Variants in AGBL4 observed in about 807,000 individuals in gnomAD.
The protein encoded by AGBL4 is AGBL carboxypeptidase 4.
Under a neutral mutation model 66.4 loss-of-function variants are expected in AGBL4, and 58 were observed. The observed-to-expected ratio is 0.87, with a 90% CI of 0.71 to 1.09. The LOEUF (loss-of-function observed/expected upper bound fraction) is 1.09, where lower values mean the gene tolerates loss of function less well. Among genes scored for constraint, AGBL4 ranks in the 50% least tolerant of loss-of-function variants. The pLI is 0.00. For synonymous variants in AGBL4, 234 were observed against 222.9 expected (o/e 1.05, Z -0.44); for missense variants, 579 against 631.0 (o/e 0.92, Z 0.88).
intron 5 of AGBL4, among the ~76,000 whole-genome samples, chr1:48,881,752 A>G (rs1414503146): frequency 1.3e-5 from 2 of 152,132 alleles, no homozygotes; most frequent in African/African-American, 4.8e-5. Context: ...AAAGACACTG[A>G]TTGGGCCACC....
chr1:48,954,254 T>A (rs981395428), intron 5 of AGBL4, among the ~76,000 whole-genome samples: 2 of 152,204 alleles, frequency 1.3e-5, no homozygotes, highest in African/African-American at 2.4e-5. Flanking sequence ...GGTTCCCTCA[T>A]CCCAGATAAG....
At chr1:48,994,668 TA>T (rs1230099169) in intron 5 of AGBL4, among the ~76,000 whole-genome samples, 31 of 152,322 alleles carry the variant, frequency 2.0e-4, no homozygotes, top group African/African-American at 7.5e-4. Context: ...CCAGAAACAG[TA>T]GTATATATGA....
At chr1:48,753,405 G>A (rs1335598840) in intron 6 of AGBL4, among the ~76,000 whole-genome samples, 3 of 152,220 alleles carry the variant, frequency 2.0e-5, no homozygotes, top group African/African-American at 7.2e-5. Context: ...CAGTACAGGA[G>A]AAAACCAGCA....
chr1:49,287,050 A>T (rs1314567533), intron 3 of AGBL4, among the ~76,000 whole-genome samples: 1 of 148,838 alleles, frequency 6.7e-6, no homozygotes, highest in African/African-American at 2.5e-5. Context: ...GCCCTCAGAA[A>T]TAACGCCGCA....
At chr1:49,881,604 T>C (rs1462088099) in intron 1 of AGBL4, among the ~76,000 whole-genome samples, 2 of 150,856 alleles carry the variant, frequency 1.3e-5, no homozygotes, top group African/African-American at 2.5e-5. Context: ...TGATATCTCA[T>C]TGCGGTTTTG....
chr1:48,786,376 C>T (rs1645407959), intron 6 of AGBL4, among the ~76,000 whole-genome samples: 1 of 152,170 alleles, frequency 6.6e-6, no homozygotes, highest in African/African-American at 2.4e-5. Flanking sequence ...GAAAAGACTT[C>T]AACCTGGGTT....
chr1:48,776,661 G>T (rs1407091473), intron 6 of AGBL4: 11 of 1,494,034 alleles, frequency 7.4e-6, no homozygotes, highest in Middle Eastern at 2.1e-4. Context: ...AGTCGCGGGG[G>T]GCGCGCGGGG....
intron 3 of AGBL4, among the ~76,000 whole-genome samples, chr1:49,381,923 C>A (rs1644623380): frequency 6.6e-6 from 1 of 151,578 alleles, no homozygotes; most frequent in East Asian, 1.9e-4. Flanking sequence ...GTGCAGCACA[C>A]CAGCATGGCA....
chr1:49,192,172 T>C (rs1557715358), intron 4 of AGBL4, among the ~76,000 whole-genome samples: 1 of 152,240 alleles, frequency 6.6e-6, no homozygotes. Flanking sequence ...AGATGGTATC[T>C]CATTGTGGTT....
Position 49,219,291 on chromosome 1 carries a change from C to T in AGBL4, c.377+26479G>A, listed in dbSNP as rs1649317534. On this transcript the variant is annotated intron_variant, in intron 4 of 13. Transcript: ENST00000371839. Reference sequence around the variant, plus strand: ...ATCTTTAAAGGTAGTTTGCATATGTCTCCCCAGTGAGTTTTAAGTTTAACT... The same window carrying T: ...ATCTTTAAAGGTAGTTTGCATATGTTTCCCCAGTGAGTTTTAAGTTTAACT... 3.3e-5 allele frequency among the ~76,000 whole-genome samples: 5 copies of T among 152,138 alleles called. No individual in the cohort carries two copies. In the South Asian group the frequency reaches 1.0e-3, roughly 31 times the overall value.
chr1:49,079,581 C>A (rs1644771664), intron 4 of AGBL4, among the ~76,000 whole-genome samples: 1 of 152,084 alleles, frequency 6.6e-6, no homozygotes, highest in Admixed American at 6.5e-5. Flanking sequence ...ATTACAGGTC[C>A]CTCCCTTGAC....
chr1:48,678,041 G>T lies in AGBL4; in HGVS notation c.635-14800C>A, dbSNP rs1293106473. Among the ~76,000 whole-genome samples, 5 of 152,316 alleles carry T rather than the reference G, an allele frequency of 3.3e-5. No individual in the cohort carries two copies. The East Asian group carries it at 9.7e-4, about 29-fold the overall frequency. On this transcript the variant is annotated intron_variant, in intron 6 of 13. Coordinates refer to ENST00000371839, the MANE Select transcript of AGBL4 (RefSeq NM_032785.4). ...CGAACACGTCATCGAAAGGAAGCAG[G>T]TGTCAGTTGGCTGTGCTGCCGAAGT...
At chr1:49,486,210 C>A (rs1160977428) in intron 3 of AGBL4, among the ~76,000 whole-genome samples, 3 of 151,936 alleles carry the variant, frequency 2.0e-5, no homozygotes, top group Admixed American at 6.6e-5. Flanking sequence ...CAAATATGTA[C>A]AAAATTTACT....
chr1:48,594,763 T>TC (rs1389022871), intron 9 of AGBL4, among the ~76,000 whole-genome samples: 1 of 152,114 alleles, frequency 6.6e-6, no homozygotes, highest in Non-Finnish European at 1.5e-5. Flanking sequence ...GTGCATCTCT[T>TC]CCCCACTGAC....
At chr1:49,992,254 C>T (rs551051096) in intron 1 of AGBL4, among the ~76,000 whole-genome samples, 1 of 152,136 alleles carries the variant, frequency 6.6e-6, no homozygotes, top group Admixed American at 6.5e-5. Context: ...CACCCGCAGT[C>T]CCAGCTACTC....
At chr1:49,282,939 G>T (rs1044434672) in intron 3 of AGBL4, among the ~76,000 whole-genome samples, 32 of 152,188 alleles carry the variant, frequency 2.1e-4, no homozygotes, top group Non-Finnish European at 3.8e-4. Flanking sequence ...CAGCGAGGCT[G>T]GGGGAGGGGC....
chr1:49,143,449 G>A (rs113623743), intron 4 of AGBL4, among the ~76,000 whole-genome samples: 287 of 152,200 alleles, frequency 1.9e-3, no homozygotes, highest in African/African-American at 6.6e-3. Flanking sequence ...CTTGCATTTG[G>A]TGTAATTCTG....
chr1:49,768,909 C>T (rs1309020225), intron 2 of AGBL4, among the ~76,000 whole-genome samples: 1 of 151,456 alleles, frequency 6.6e-6, no homozygotes, highest in African/African-American at 2.4e-5. Flanking sequence ...AGTGCAGTGG[C>T]GCGATCTTGG....
intron 3 of AGBL4, among the ~76,000 whole-genome samples, chr1:49,381,853 G>A (rs1644620509): frequency 1.5e-5 from 2 of 135,678 alleles, no homozygotes; most frequent in Admixed American, 1.6e-4. Flanking sequence ...TGGTGGGGTG[G>A]GGGAAGGGGG....
Sources: allele counts gnomAD v4.1 joint callset (sites outside exome capture counted in the v4.1 genomes callset), GRCh38; gene constraint gnomAD v4.1.1; transcripts MANE v1.5; gene names NCBI Gene and HGNC (gene_info 2026-07-23, HGNC 2026-07-21).